The following SDK1 variants were observed in gnomAD, a reference collection of about 807,000 sequenced individuals.
SDK1 encodes sidekick cell adhesion molecule 1, also known as protein sidekick-1.
A neutral mutation model predicts 245.5 loss-of-function variants in SDK1; 157 were observed. That is an observed-to-expected ratio of 0.64 (90% CI 0.56 to 0.73). The LOEUF is 0.73. Among genes scored for constraint, SDK1 ranks in the 30% least tolerant of loss-of-function variants. The pLI is 0.00. For synonymous variants in SDK1, 1,647 were observed against 1,278.5 expected (o/e 1.29, Z -6.15); for missense variants, 3,583 against 3,002.3 (o/e 1.19, Z -4.52).
chr7:3,321,591 G>A (rs1487014932), intron 1 of SDK1, among the ~76,000 whole-genome samples: 2 of 152,060 alleles, frequency 1.3e-5, no homozygotes, highest in Non-Finnish European at 2.9e-5. Context: ...AGTATGTGAA[G>A]TTACTTTCCA....
intron 1 of SDK1, among the ~76,000 whole-genome samples, chr7:3,459,339 T>C (rs771041249): frequency 6.6e-6 from 1 of 152,302 alleles, no homozygotes; most frequent in Non-Finnish European, 1.5e-5. Flanking sequence ...GTTGCTGGTT[T>C]CAAAAGACTT....
intron 1 of SDK1, among the ~76,000 whole-genome samples, chr7:3,574,519 T>A (rs994834399): frequency 6.6e-6 from 1 of 152,070 alleles, no homozygotes; most frequent in Non-Finnish European, 1.5e-5. Flanking sequence ...GCATGCTTGT[T>A]GCTGAAGTAT....
At chr7:3,446,963 G>A (rs1020356055) in intron 1 of SDK1, among the ~76,000 whole-genome samples, 1 of 152,146 alleles carries the variant, frequency 6.6e-6, no homozygotes, top group African/African-American at 2.4e-5. Context: ...AAAAAATACA[G>A]ATGAGTTCTC....
intron 37 of SDK1, 118 bp from the exon 38 acceptor site, chr7:4,209,907 T>C (rs1446836691): frequency 1.3e-5 from 13 of 989,284 alleles, no homozygotes; most frequent in East Asian, 2.8e-5. Context: ...TTCAGACTTT[T>C]ACTGAGTTGA....
intron 4 of SDK1, among the ~76,000 whole-genome samples, chr7:3,684,407 G>T (rs896087150): frequency 6.6e-6 from 1 of 152,210 alleles, no homozygotes; most frequent in African/African-American, 2.4e-5. Flanking sequence ...GAAGCAGCAA[G>T]GGGAGAGGAG....
At chr7:3,349,946 C>A (rs1780613924) in intron 1 of SDK1, among the ~76,000 whole-genome samples, 1 of 152,172 alleles carries the variant, frequency 6.6e-6, no homozygotes. Flanking sequence ...TTGGTAGATA[C>A]AGAAGGTTTA....
chr7:3,945,339 T>C (rs972735595), intron 5 of SDK1, among the ~76,000 whole-genome samples: 1 of 152,186 alleles, frequency 6.6e-6, no homozygotes, highest in African/African-American at 2.4e-5. Context: ...GGTTCATTCA[T>C]ATGTATAAAA....
intron 5 of SDK1, among the ~76,000 whole-genome samples, chr7:3,930,099 T>C (rs1779919579): frequency 2.0e-5 from 3 of 152,196 alleles, no homozygotes; most frequent in Non-Finnish European, 2.9e-5. Flanking sequence ...GTGATGTATG[T>C]GTAACCCAGG....
chr7:3,820,447 C>T (rs75153870), intron 4 of SDK1, among the ~76,000 whole-genome samples: 11,348 of 152,236 alleles, frequency 0.075, 515 homozygotes, highest in Middle Eastern at 0.18. Flanking sequence ...TGCGCTCAGC[C>T]CATACTTTTT....
chr7:3,326,151 T>C (rs1038888755), intron 1 of SDK1, among the ~76,000 whole-genome samples: 1 of 152,132 alleles, frequency 6.6e-6, no homozygotes, highest in Non-Finnish European at 1.5e-5. Context: ...TCACTGCAAA[T>C]TGTAGAGTAT....
At chr7:4,111,948 G>C (rs187720448) in intron 23 of SDK1, among the ~76,000 whole-genome samples, 5 of 152,314 alleles carry the variant, frequency 3.3e-5, no homozygotes, top group Non-Finnish European at 1.5e-5. Context: ...GAGATCATCT[G>C]ATTTGCTGTA....
chr7:4,086,618 C>T (rs570237764), intron 22 of SDK1, among the ~76,000 whole-genome samples: 1 of 152,082 alleles, frequency 6.6e-6, no homozygotes, highest in Non-Finnish European at 1.5e-5. Context: ...CTGGCTCTTT[C>T]CTCCTCCTTC....
intron 2 of SDK1, among the ~76,000 whole-genome samples, chr7:3,629,933 G>C (rs1782239636): frequency 6.6e-6 from 1 of 152,068 alleles, no homozygotes; most frequent in Admixed American, 6.6e-5. Flanking sequence ...TCAAAGTAGA[G>C]ACACGAAAAA....
At chr7:3,589,761 C>T (rs1479831720) in intron 1 of SDK1, among the ~76,000 whole-genome samples, 1 of 152,212 alleles carries the variant, frequency 6.6e-6, no homozygotes, top group East Asian at 1.9e-4. Context: ...GATTGCCTCC[C>T]ACTGGGTCCC....
intron 1 of SDK1, among the ~76,000 whole-genome samples, chr7:3,393,517 C>G (rs1007466525): frequency 5.9e-5 from 9 of 152,072 alleles, no homozygotes; most frequent in African/African-American, 1.9e-4. Flanking sequence ...GCAGCACAGT[C>G]AAGTGAAAAA....
chr7:4,239,615 C>T (rs1226104323), intron 42 of SDK1, among the ~76,000 whole-genome samples: 1 of 152,188 alleles, frequency 6.6e-6, no homozygotes, highest in Non-Finnish European at 1.5e-5. Flanking sequence ...CCTCCCACCT[C>T]AGCCTCCCAA....
intron 1 of SDK1, among the ~76,000 whole-genome samples, chr7:3,429,696 A>G (rs1249071015): frequency 6.6e-6 from 1 of 150,960 alleles, no homozygotes; most frequent in African/African-American, 2.4e-5. Flanking sequence ...TCCTGGGCTC[A>G]AGCAATCCTC....
At chr7:3,676,322 CTTTTTTTTT>C (rs3086109) in intron 4 of SDK1, among the ~76,000 whole-genome samples, 5 of 133,330 alleles carry the variant, frequency 3.8e-5, no homozygotes, top group Admixed American at 1.5e-4. Context: ...TCTTCTAGTA[CTTTTTTTTT>C]TTTTTTTTTT....
At chr7:3,435,812 G>T (rs892982590) in intron 1 of SDK1, among the ~76,000 whole-genome samples, 2 of 152,132 alleles carry the variant, frequency 1.3e-5, no homozygotes, top group Admixed American at 1.3e-4. Context: ...CGTCCCTCAT[G>T]CTTTCTCATG....
Sources: gnomAD v4.1 joint callset for allele counts (sites outside exome capture counted in the v4.1 genomes callset) on GRCh38, gnomAD v4.1.1 for gene constraint, MANE v1.5 for transcripts, NCBI Gene and HGNC (gene_info 2026-07-23, HGNC 2026-07-21) for gene names.